LRP1: variants seen among roughly 807,000 people sequenced by gnomAD.
LRP1 encodes the protein LDL receptor related protein 1.
LRP1 carries 51 observed loss-of-function variants against 541.5 expected under a neutral mutation model. The observed-to-expected ratio is 0.09, with a 90% CI of 0.08 to 0.12. The LOEUF is 0.12. Among genes scored for constraint, LRP1 ranks in the 10% least tolerant of loss-of-function variants. The pLI is 1.00. For missense variants in LRP1, 3,878 were observed against 6,376.2 expected (o/e 0.61, Z 13.34); for synonymous variants, 2,219 against 2,470.8 (o/e 0.90, Z 3.02).
chr12:57,173,128 CA>C lies in LRP1; in HGVS notation c.3164-38del. 1.3e-6 allele frequency: 2 copies of C among 1,538,594 alleles called. No individual in the cohort carries two copies. The highest frequency in any genetic ancestry group is 1.8e-6 in the Non-Finnish European group (2 of 1,134,978). ...CAGGGATGAGGAGGGCTGACCTGGG[CA>C]ACCCCTCCCTCCTGAGGCCCTCCAC... On this transcript the variant is annotated intron_variant, in intron 20 of 88. Coordinates refer to ENST00000243077, the MANE Select transcript of LRP1 (RefSeq NM_002332.3). The surrounding 1 kb of genome is among the most constrained non-coding windows in gnomAD (Gnocchi z 4.7).
rs564843747 is a variant in LRP1 at position 57,178,829 on chromosome 12, A to C, written c.4607-61A>C. Reference sequence around the variant, plus strand: ...AGAGTGGGCGAGGAAGGGGTGGTCCATGTAGGGAGCAGCAAGTCACAGGAT... The same window carrying C: ...AGAGTGGGCGAGGAAGGGGTGGTCCCTGTAGGGAGCAGCAAGTCACAGGAT... On this transcript the variant is annotated intron_variant, in intron 27 of 88. Coordinates refer to ENST00000243077, the MANE Select transcript of LRP1 (RefSeq NM_002332.3). This position sits in a 1 kb window ranked among gnomAD's most constrained non-coding sequence, Gnocchi z 5.8. The C allele has an allele frequency of 2.7e-5, 42 of 1,573,172 alleles. No individual in the cohort carries two copies. In the East Asian group the frequency reaches 6.0e-4, roughly 23 times the overall value.
chr12:57,204,062 TCCATTCCC>T lies in LRP1; in HGVS notation c.10952-347_10952-340del. ...AGGCACAGGGATGGGAACCCGGTCTTCCATTCCCAGCCCAGTGCTGTTCCCGCGTCCCC... is the reference window on the plus strand; with the variant it reads ...AGGCACAGGGATGGGAACCCGGTCTTAGCCCAGTGCTGTTCCCGCGTCCCC... On this transcript the variant is annotated intron_variant, in intron 70 of 88. Coordinates refer to ENST00000243077, the MANE Select transcript of LRP1 (RefSeq NM_002332.3). The surrounding 1 kb of genome is among the most constrained non-coding windows in gnomAD (Gnocchi z 5.3). The T allele has an allele frequency of 4.5e-6, 1 of 221,976 alleles. No individual in the cohort carries two copies. The highest frequency in any genetic ancestry group is 8.8e-6 in the Non-Finnish European group (1 of 113,740). The allele number at this position is 221,976 out of a possible 1,614,324, so 13.8% of individuals were successfully genotyped here.
At position 57,128,631 on chromosome 12, in the gene LRP1, A is replaced by G. The variant is rs2034965423; in HGVS notation, c.-334A>G. The G allele has an allele frequency of 2.5e-6, 1 of 406,140 alleles. No homozygotes were observed. The highest frequency in any genetic ancestry group is 4.4e-6 in the Non-Finnish European group (1 of 229,656). The allele number at this position is 406,140 out of a possible 1,614,324, so 25.2% of individuals were successfully genotyped here. ...CACCCCCCCTCCCCGCCTCCTCCCA[A>G]TTGTGCATTTTTGCAGCCGGAGGCG... On this transcript the variant is annotated 5_prime_UTR_variant, in exon 1 of 89. Coordinates refer to ENST00000243077, the MANE Select transcript of LRP1 (RefSeq NM_002332.3).
chr12:57,145,650 A>G (rs571847735), intron 6 of LRP1, among the ~76,000 whole-genome samples, 160 bp downstream of exon 6: 59 of 152,296 alleles, frequency 3.9e-4, no homozygotes, highest in Admixed American at 1.1e-3. Flanking sequence ...AGGCAGGGGC[A>G]GAGCCACCGG....
chr12:57,179,219 C>A lies in LRP1; in HGVS notation c.4739-110C>A. On this transcript the variant is annotated intron_variant, in intron 28 of 88. Transcript: ENST00000243077. This position sits in a 1 kb window ranked among gnomAD's most constrained non-coding sequence, Gnocchi z 6.8. ...ACCCAGCGGGGTATGTCCACGGAGC[C>A]AAGGGCCAGTAGCAAACAGACGGAT... 1 of 1,175,076 alleles carries A rather than the reference C, an allele frequency of 8.5e-7. No individual in the cohort carries two copies. Among genetic ancestry groups the A allele is most frequent in the Non-Finnish European group, 1.2e-6 (1 of 820,246 alleles). 72.8% of individuals were successfully genotyped at this position (1,175,076 alleles called of 1,614,324 possible).
chr12:57,210,948 T>G, intron 83 of LRP1, 69 bp downstream of exon 83: 1 of 1,544,766 alleles, frequency 6.5e-7, no homozygotes, highest in South Asian at 1.2e-5. Flanking sequence ...CATGGGGTGA[T>G]GTTCAACCTG....
chr12:57,202,023 T>G, intron 67 of LRP1, 118 bp downstream of exon 67: 1 of 1,322,248 alleles, frequency 7.6e-7, no homozygotes, highest in Non-Finnish European at 1.1e-6. Flanking sequence ...GCCCTGCTGC[T>G]GGGCTTCCTG....
chr12:57,205,553 C>T lies in LRP1; in HGVS notation c.11471-5C>T. 6.2e-7 allele frequency: 1 copy of T among 1,614,042 alleles called. No homozygotes were observed. The highest frequency in any genetic ancestry group is 8.5e-7 in the Non-Finnish European group (1 of 1,180,022). ...GACTCTCATGACCCTCCCTGTAACC[C>T]TTAGACATCAACGAGTGCCTGCGCT... On this transcript the variant is annotated splice_region_variant and splice_polypyrimidine_tract_variant and intron_variant, in intron 74 of 88. Coordinates refer to ENST00000243077, the MANE Select transcript of LRP1 (RefSeq NM_002332.3). This position sits in a 1 kb window ranked among gnomAD's most constrained non-coding sequence, Gnocchi z 4.6.
At chr12:57,142,641 A>T (rs1051493956) in intron 3 of LRP1, among the ~76,000 whole-genome samples, 2 of 152,146 alleles carry the variant, frequency 1.3e-5, no homozygotes, top group African/African-American at 4.8e-5. Context: ...ACAACAGAGA[A>T]CTTCAAAAAC....
chr12:57,192,139 C>A (rs1159552942), intron 44 of LRP1, among the ~76,000 whole-genome samples: 1 of 149,526 alleles, frequency 6.7e-6, no homozygotes, highest in East Asian at 2.0e-4. Flanking sequence ...ACTATAAACA[C>A]CCCACACCCC....
rs1341102367 is a variant in LRP1, at chr12:57,199,905, T to G, written c.9894T>G (p.Asn3298Lys). 3.1e-6 allele frequency: 5 copies of G among 1,595,390 alleles called. No individual in the cohort carries two copies. Among genetic ancestry groups the G allele is most frequent in the Non-Finnish European group, 4.3e-6 (5 of 1,173,276 alleles). ...DVPNHPCKVN[N>K]GGCSNLCLLS... ...CCAATCACCCCTGCAAGGTCAACAA[T>G]GGTGGCTGCAGCAACCTGTGCCTGC... The change falls in exon 62 of 89, where the codon AAT becomes AAG. Residue 3298 changes from asparagine to lysine, a missense_variant. Asn to Lys is a moderately conservative substitution (Grantham distance 94). This residue lies in a region of LRP1 where 1,100 missense variants were observed against 1,827.4 expected (regional missense o/e 0.60). Transcript: ENST00000243077.
In LRP1 at chr12:57,207,952, C is replaced by T. The variant is rs142553061; in HGVS notation, c.11860-86C>T. The T allele has an allele frequency of 2.5e-3, 3,586 of 1,462,598 alleles. 21 individuals carry two copies. The highest frequency in any genetic ancestry group is 2.1e-3 in the Middle Eastern group (12 of 5,684). The allele number at this position is 1,462,598 out of a possible 1,614,324, so 90.6% of individuals were successfully genotyped here. ...GGTCCTGGCTGTGAGCCTGGGGTGA[C>T]GTTCCAGCAGGCTGGCAGAGTGGTG... On this transcript the variant is annotated intron_variant, in intron 76 of 88. Transcript: ENST00000243077.
chr12:57,162,822 C>T lies in LRP1; in HGVS notation c.2405-36C>T, dbSNP rs566524268. On this transcript the variant is annotated intron_variant, in intron 14 of 88. Coordinates refer to ENST00000243077, the MANE Select transcript of LRP1 (RefSeq NM_002332.3). This position sits in a 1 kb window ranked among gnomAD's most constrained non-coding sequence, Gnocchi z 5.2. ...CTTCTCTGACCTCTCCTCACCTCTTCCTCCCTTTGCCTTTCCCCATGGCCC... is the reference window on the plus strand; with the variant it reads ...CTTCTCTGACCTCTCCTCACCTCTTTCTCCCTTTGCCTTTCCCCATGGCCC... The T allele has an allele frequency of 1.6e-5, 26 of 1,581,320 alleles. No individual in the cohort carries two copies. The highest frequency in any genetic ancestry group is 2.2e-5 in the Non-Finnish European group (26 of 1,163,468).
Position 57,203,400 on chromosome 12 carries a change from C to T in LRP1, c.10830C>T (p.Thr3610=), listed in dbSNP as rs747084067. The part of the protein sequence containing the change: ...CADGSDEKDC[T]PRCDMDQFQC... ...GCCCATGCCCACAGAAAGACTGCACCCCCCGCTGTGACATGGACCAGTTCC... is the reference window on the plus strand; with the variant it reads ...GCCCATGCCCACAGAAAGACTGCACTCCCCGCTGTGACATGGACCAGTTCC... Residue 3610 remains threonine (T), a synonymous_variant, in exon 70 of 89, where the codon ACC becomes ACT. Coordinates refer to ENST00000243077, the MANE Select transcript of LRP1 (RefSeq NM_002332.3). 3.1e-6 allele frequency: 5 copies of T among 1,607,992 alleles called. No homozygotes were observed. In the African/African-American group the frequency reaches 4.0e-5, roughly 13 times the overall value.
chr12:57,151,262 G>A (rs778624963), intron 6 of LRP1, among the ~76,000 whole-genome samples: 12 of 152,112 alleles, frequency 7.9e-5, no homozygotes, highest in Non-Finnish European at 1.8e-4. Context: ...CAGTGGGATG[G>A]GGTGCCAGGA....
rs777251667 is a variant in LRP1, at chr12:57,199,261, C to G, written c.9726C>G (p.Asp3242Glu). The G allele has an allele frequency of 6.2e-7, 1 of 1,613,970 alleles. No homozygotes were observed. Among genetic ancestry groups the G allele is most frequent in the Non-Finnish European group, 8.5e-7 (1 of 1,179,990 alleles). The change falls in exon 61 of 89, where the codon GAC becomes GAG. Residue 3242 changes from aspartate to glutamate, a missense_variant. By Grantham distance (45) the Asp-to-Glu change is conservative (BLOSUM62 2). This residue lies in a region of LRP1 where 1,100 missense variants were observed against 1,827.4 expected (regional missense o/e 0.60). Transcript: ENST00000243077. ...TCTTTGCACTGACCCTGTTTGAGGA[C>G]TACGTCTACTGGACCGACTGGGAAA... ...PHIFALTLFEDYVYWTDWETK... is the reference protein window; with the variant it reads ...PHIFALTLFEEYVYWTDWETK...
chr12:57,167,770 C>G (rs2035869005), intron 19 of LRP1, among the ~76,000 whole-genome samples: 1 of 152,246 alleles, frequency 6.6e-6, no homozygotes, highest in Non-Finnish European at 1.5e-5. Context: ...GCTGCCCACC[C>G]TCTAGTAGGG....
In LRP1 at chr12:57,167,529, G is replaced by A; in HGVS notation, c.2995+5G>A. ...TCAACTGGAGATGCGACAATGGTAA[G>A]AGCTTGCTCTCCTCACCTGCTGATT... On this transcript the variant is annotated splice_donor_5th_base_variant and intron_variant, in intron 19 of 88. Transcript: ENST00000243077. 1.2e-6 allele frequency: 2 copies of A among 1,612,734 alleles called. No homozygotes were observed. The highest frequency in any genetic ancestry group is 1.7e-6 in the Non-Finnish European group (2 of 1,178,722).
intron 1 of LRP1, among the ~76,000 whole-genome samples, chr12:57,137,736 C>T (rs112153001): frequency 3.3e-5 from 5 of 151,126 alleles, no homozygotes; most frequent in South Asian, 2.1e-4. Context: ...GTGGAGGTTG[C>T]GGTGAGCTGA....
Sources: allele counts gnomAD v4.1 joint callset (sites outside exome capture counted in the v4.1 genomes callset), GRCh38; gene constraint gnomAD v4.1.1; regional missense constraint gnomAD v4.1.1; non-coding constraint Gnocchi (gnomAD v3.1); transcripts MANE v1.5; gene names NCBI Gene and HGNC (gene_info 2026-07-23, HGNC 2026-07-21).